The following AKAP6 variants were observed in gnomAD, a reference collection of about 807,000 sequenced individuals.
The protein encoded by AKAP6 is A-kinase anchor protein 6.
A neutral mutation model predicts 188.5 loss-of-function variants in AKAP6; 58 were observed. That is an observed-to-expected ratio of 0.31 (90% CI 0.25 to 0.38). The LOEUF (loss-of-function observed/expected upper bound fraction) is 0.38, where lower values mean the gene tolerates loss of function less well. Ranked by LOEUF, AKAP6 falls within the 10% of genes least tolerant of loss-of-function variation. The pLI, the probability that AKAP6 is intolerant of heterozygous loss-of-function variation, is 1.00. For missense variants in AKAP6, 2,710 were observed against 2,740.0 expected, an observed-to-expected ratio of 0.99 and a Z score of 0.24; for synonymous variants, 989 against 998.6, an observed-to-expected ratio of 0.99 and a Z score of 0.18.
intron 9 of AKAP6, among the ~76,000 whole-genome samples, chr14:32,712,542 G>T (rs1004623966): frequency 6.6e-6 from 1 of 152,014 alleles, no homozygotes; most frequent in Non-Finnish European, 1.5e-5. Context: ...AAACCCTGCC[G>T]CTGCTTTATC....
chr14:32,531,294 C>T (rs1042143263), intron 2 of AKAP6, among the ~76,000 whole-genome samples: 2 of 152,170 alleles, frequency 1.3e-5, no homozygotes, highest in Non-Finnish European at 2.9e-5. Context: ...TTCTGATTAG[C>T]TTCATTTTCC....
intron 4 of AKAP6, among the ~76,000 whole-genome samples, chr14:32,567,057 G>C (rs1884225599): frequency 6.6e-6 from 1 of 152,058 alleles, no homozygotes; most frequent in Non-Finnish European, 1.5e-5. Context: ...AGAGTAGCTG[G>C]ACTACAGGTG....
intron 5 of AKAP6, among the ~76,000 whole-genome samples, chr14:32,591,494 G>C (rs1404313972): frequency 6.8e-6 from 1 of 147,260 alleles, no homozygotes; most frequent in Non-Finnish European, 1.5e-5. Flanking sequence ...AAAAGCAACT[G>C]TTTGTTTGAA....
At chr14:32,376,784 C>T (rs1888169640) in intron 1 of AKAP6, among the ~76,000 whole-genome samples, 1 of 152,292 alleles carries the variant, frequency 6.6e-6, no homozygotes, top group East Asian at 1.9e-4. Context: ...ACAACTTCCG[C>T]CTCCTGGATT....
rs1366977603 is a variant in AKAP6, at chr14:32,655,312, G to C, written c.2731-22999G>C. ...GAAACTGGATGTGATTTCTCCACTAGAGCGTAGATGCAAGATGTTAACTGT... is the reference window on the plus strand; with the variant it reads ...GAAACTGGATGTGATTTCTCCACTACAGCGTAGATGCAAGATGTTAACTGT... On this transcript the variant is annotated intron_variant, in intron 7 of 13. Transcript: ENST00000280979. Among the ~76,000 whole-genome samples the C allele has an allele frequency of 2.0e-5, 3 of 152,258 alleles. No homozygotes were observed. In the East Asian group the frequency reaches 5.8e-4, roughly 29 times the overall value.
At chr14:32,538,407 T>C (rs538874358) in intron 3 of AKAP6, among the ~76,000 whole-genome samples, 1 of 152,320 alleles carries the variant, frequency 6.6e-6, no homozygotes, top group African/African-American at 2.4e-5. Flanking sequence ...GATTCATTTT[T>C]CTCTTTCTGG....
intron 1 of AKAP6, among the ~76,000 whole-genome samples, chr14:32,393,579 G>A (rs1273234244): frequency 6.6e-6 from 1 of 152,138 alleles, no homozygotes; most frequent in Admixed American, 6.6e-5. Flanking sequence ...GACAAGTACT[G>A]TGGTTGTATA....
chr14:32,498,946 T>A (rs578229746), intron 2 of AKAP6, among the ~76,000 whole-genome samples: 1 of 152,276 alleles, frequency 6.6e-6, no homozygotes, highest in South Asian at 2.1e-4. Context: ...ATAATTTTTT[T>A]TTTTTGGTCC....
At chr14:32,477,982 A>G (rs1432580695) in intron 2 of AKAP6, among the ~76,000 whole-genome samples, 2 of 152,216 alleles carry the variant, frequency 1.3e-5, no homozygotes, top group African/African-American at 4.8e-5. Flanking sequence ...CACTTTATAA[A>G]TATAGCTAGA....
chr14:32,673,789 A>G (rs926314601), intron 7 of AKAP6, among the ~76,000 whole-genome samples: 6 of 152,122 alleles, frequency 3.9e-5, no homozygotes, highest in Non-Finnish European at 8.8e-5. Context: ...TCCACTGAGC[A>G]ATTATTTACT....
At chr14:32,748,245 A>G (rs552839273) in intron 11 of AKAP6, among the ~76,000 whole-genome samples, 32 of 152,228 alleles carry the variant, frequency 2.1e-4, no homozygotes, top group Non-Finnish European at 4.7e-4. Context: ...CATAGTTTAG[A>G]GGCTTAAGTG....
At chr14:32,756,150 G>A (rs1031538862) in intron 11 of AKAP6, among the ~76,000 whole-genome samples, 4 of 152,020 alleles carry the variant, frequency 2.6e-5, no homozygotes, top group African/African-American at 4.8e-5. Flanking sequence ...CATGCCTGGA[G>A]CTAGGTCCAC....
At chr14:32,368,847 G>C (rs956517689) in intron 1 of AKAP6, among the ~76,000 whole-genome samples, 1 of 148,876 alleles carries the variant, frequency 6.7e-6, no homozygotes, top group Non-Finnish European at 1.5e-5. Flanking sequence ...CTGCCCTCTT[G>C]AAACTTATAG....
chr14:32,724,794 C>T lies in AKAP6; in HGVS notation c.3001-7660C>T, dbSNP rs575240684. The stretch of plus-strand genomic sequence containing the variant: ...AAAGCAAGAAATAGACTAGAGAGCA[C>T]ACGGGATATTTCTTCCTTAAATTTC... On this transcript the variant is annotated intron_variant, in intron 9 of 13. Coordinates refer to ENST00000280979, the MANE Select transcript of AKAP6 (RefSeq NM_004274.5). Among the ~76,000 whole-genome samples the T allele has an allele frequency of 2.6e-5, 4 of 151,908 alleles. No homozygotes were observed. The East Asian group carries it at 7.7e-4, about 29-fold the overall frequency.
intron 2 of AKAP6, among the ~76,000 whole-genome samples, chr14:32,451,210 C>T (rs947342399): frequency 5.3e-5 from 8 of 152,198 alleles, no homozygotes; most frequent in Admixed American, 3.9e-4. Flanking sequence ...TATTTTGTTG[C>T]TTCAGTAATT....
intron 9 of AKAP6, among the ~76,000 whole-genome samples, chr14:32,728,291 T>C (rs1246068796): frequency 3.4e-5 from 5 of 147,354 alleles, no homozygotes; most frequent in African/African-American, 1.2e-4. Flanking sequence ...GGTATGTTCC[T>C]AGCATTTGCT....
At chr14:32,577,964 G>T (rs1187864373) in intron 5 of AKAP6, among the ~76,000 whole-genome samples, 3 of 152,124 alleles carry the variant, frequency 2.0e-5, no homozygotes, top group Non-Finnish European at 4.4e-5. Context: ...TGAAGAAAAA[G>T]CACGTGTCAT....
Position 32,492,355 on chromosome 14 carries a change from T to TATATATATATAGAG in AKAP6, c.325-43198_325-43197insTATATATATAGAGA. ...ACATTGTAATATATATATATATATA[T>TATATATATATAGAG]AGAGAGAGAGAGAGAGAGAGAGAGA... On this transcript the variant is annotated intron_variant, in intron 2 of 13. Transcript: ENST00000280979. Among the ~76,000 whole-genome samples the TATATATATATAGAG allele has an allele frequency of 1.6e-3, 131 of 82,594 alleles. 3 individuals carry two copies. The highest frequency in any genetic ancestry group is 8.5e-3 in the East Asian group (13 of 1,526). The allele number at this position is 82,594 out of a possible 152,430, so 54.2% of individuals were successfully genotyped here.
intron 2 of AKAP6, among the ~76,000 whole-genome samples, chr14:32,533,740 C>T (rs564073776): frequency 6.6e-5 from 10 of 152,272 alleles, no homozygotes; most frequent in African/African-American, 2.4e-4. Flanking sequence ...ACCAGAAATC[C>T]CGGGCAATGT....
Sources: allele counts gnomAD v4.1 joint callset (sites outside exome capture counted in the v4.1 genomes callset), GRCh38; gene constraint gnomAD v4.1.1; transcripts MANE v1.5; gene names NCBI Gene and HGNC (gene_info 2026-07-23, HGNC 2026-07-21).